The following RYR2 variants were observed in gnomAD, a reference collection of about 807,000 sequenced individuals.
RYR2 encodes cardiac muscle ryanodine receptor-calcium release channel.
In RYR2, 227 loss-of-function variants were observed where a neutral mutation model predicts 601.1. That is an observed-to-expected ratio of 0.38 (90% confidence interval 0.34 to 0.42). The LOEUF (loss-of-function observed/expected upper bound fraction) is 0.42, where lower values mean the gene tolerates loss of function less well. Ranked by LOEUF, RYR2 falls within the 10% of genes least tolerant of loss-of-function variation. The pLI, the probability that RYR2 is intolerant of heterozygous loss-of-function variation, is 1.00. For synonymous variants in RYR2, 2,223 were observed against 2,175.1 expected (o/e 1.02, Z -0.61); for missense variants, 4,646 against 6,156.5 (o/e 0.75, Z 8.21).
chr1:237,180,618 A>G lies in RYR2; in HGVS notation c.49-89879A>G, dbSNP rs1044656001. On this transcript the variant is annotated intron_variant, in intron 1 of 104. Coordinates refer to ENST00000366574, the MANE Select transcript of RYR2 (RefSeq NM_001035.3). This position sits in a 1 kb window ranked among gnomAD's most constrained non-coding sequence, Gnocchi z 5.3. The stretch of plus-strand genomic sequence containing the variant: ...TATAAGTATATATATGTATATATGT[A>G]TATATGTATATGTGTATATATGTAT... 3.3e-5 allele frequency among the ~76,000 whole-genome samples: 1 copy of G among 30,124 alleles called. No homozygotes were observed. Among genetic ancestry groups the G allele is most frequent in the East Asian group, 1.3e-3 (1 of 764 alleles). 19.8% of individuals were successfully genotyped at this position (30,124 alleles called of 152,430 possible).
intron 71 of RYR2, 107 bp downstream of exon 71, chr1:237,711,944 G>A (rs1688878412): frequency 1.5e-6 from 1 of 661,250 alleles, no homozygotes; most frequent in African/African-American, 1.8e-5. Flanking sequence ...GAATCTGACA[G>A]ATTTGGTAAT....
At chr1:237,737,473 A>T (rs1428235790) in intron 79 of RYR2, among the ~76,000 whole-genome samples, 1 of 152,180 alleles carries the variant, frequency 6.6e-6, no homozygotes, top group African/African-American at 2.4e-5. Flanking sequence ...CTGCCTTAGG[A>T]TCTTATACAT....
intron 1 of RYR2, among the ~76,000 whole-genome samples, chr1:237,188,973 G>T (rs1182522531): frequency 6.6e-6 from 1 of 152,132 alleles, no homozygotes; most frequent in African/African-American, 2.4e-5. Flanking sequence ...ACATTGCTAT[G>T]CAATCAATCT....
Position 237,503,955 on chromosome 1 carries a change from G to A in RYR2, c.2613+450G>A, listed in dbSNP as rs183396406. ...ACTCCTGATCTCAGGTGATCCACCC[G>A]CTTTGGCCTCCCAAAGTGTTGGGAT... On this transcript the variant is annotated intron_variant, in intron 22 of 104. Coordinates refer to ENST00000366574, the MANE Select transcript of RYR2 (RefSeq NM_001035.3). Among the ~76,000 whole-genome samples the A allele has an allele frequency of 2.9e-3, 441 of 152,194 alleles. 3 individuals are homozygous for A. Among genetic ancestry groups the A allele is most frequent in the African/African-American group, 9.9e-3 (410 of 41,540 alleles).
At chr1:237,115,461 G>C (rs1048375839) in intron 1 of RYR2, among the ~76,000 whole-genome samples, 12 of 152,172 alleles carry the variant, frequency 7.9e-5, no homozygotes, top group African/African-American at 2.7e-4. Flanking sequence ...CCAACACAAA[G>C]GAGTAATCAA....
intron 34 of RYR2, among the ~76,000 whole-genome samples, chr1:237,601,118 G>C (rs1676453587): frequency 6.6e-6 from 1 of 152,112 alleles, no homozygotes; most frequent in Non-Finnish European, 1.5e-5. Context: ...GTGTGTGGAA[G>C]GAATATCTGC....
chr1:237,140,434 C>T (rs1673263258), intron 1 of RYR2, among the ~76,000 whole-genome samples: 1 of 152,220 alleles, frequency 6.6e-6, no homozygotes, highest in Admixed American at 6.5e-5. Flanking sequence ...GTTCACCGCT[C>T]TGTGAACTTG....
chr1:237,750,197 G>A (rs1393004931), intron 80 of RYR2, among the ~76,000 whole-genome samples: 1 of 151,818 alleles, frequency 6.6e-6, no homozygotes, highest in African/African-American at 2.4e-5. Flanking sequence ...ACATACATAC[G>A]TATCCCACCT....
At chr1:237,462,983 C>G (rs1659652235) in intron 16 of RYR2, among the ~76,000 whole-genome samples, 2 of 152,112 alleles carry the variant, frequency 1.3e-5, no homozygotes, top group Admixed American at 1.3e-4. Flanking sequence ...TTACAAGATC[C>G]CCAAACACAG....
chr1:237,050,001 G>A (rs1172231657), intron 1 of RYR2, among the ~76,000 whole-genome samples: 1 of 152,142 alleles, frequency 6.6e-6, no homozygotes, highest in African/African-American at 2.4e-5. Flanking sequence ...TATATTTCCT[G>A]GTTTCTATTG....
intron 1 of RYR2, among the ~76,000 whole-genome samples, chr1:237,113,421 G>A (rs988083533): frequency 1.3e-5 from 2 of 151,812 alleles, no homozygotes; most frequent in Non-Finnish European, 1.5e-5. Context: ...GGCTGGTCTC[G>A]AACTCCTGAC....
Position 237,614,359 on chromosome 1 carries a change from A to G in RYR2, c.5231A>G (p.Lys1744Arg). The G allele has an allele frequency of 6.2e-7, 1 of 1,614,020 alleles. No homozygotes were observed. Among genetic ancestry groups the G allele is most frequent in the Non-Finnish European group, 8.5e-7 (1 of 1,179,892 alleles). Residue 1744 changes from lysine (K) to arginine (R), a missense_variant, in exon 37 of 105, where the codon AAA becomes AGA. Physicochemically the swap from Lys to Arg is conservative, Grantham distance 26. Transcript: ENST00000366574. The surrounding 1 kb of genome is among the most constrained non-coding windows in gnomAD (Gnocchi z 4.3). ...KSITLFPDEN[K>R]KHGLPGIGLS... ...ATCACCCTGTTCCCTGATGAGAACA[A>G]AAAACACGGCCTTCCAGGGATCGGC...
At chr1:237,669,346 C>T (rs996821894) in intron 58 of RYR2, among the ~76,000 whole-genome samples, 2 of 152,172 alleles carry the variant, frequency 1.3e-5, no homozygotes, top group Non-Finnish European at 2.9e-5. Context: ...CTCTATTCCA[C>T]AAAACCGCCA....
At chr1:237,611,192 A>G (rs1034447469) in intron 36 of RYR2, among the ~76,000 whole-genome samples, 10 of 152,216 alleles carry the variant, frequency 6.6e-5, no homozygotes, top group African/African-American at 2.4e-4. Flanking sequence ...GTTACTGAAA[A>G]AAATTATTCT....
chr1:237,722,708 C>T (rs1573674084), intron 73 of RYR2, among the ~76,000 whole-genome samples: 1 of 152,190 alleles, frequency 6.6e-6, no homozygotes, highest in South Asian at 2.1e-4. Flanking sequence ...GCTGGGATTA[C>T]AGGCGTGAGC....
chr1:237,191,719 A>C (rs1679986172), intron 1 of RYR2, among the ~76,000 whole-genome samples: 1 of 152,226 alleles, frequency 6.6e-6, no homozygotes, highest in African/African-American at 2.4e-5. Flanking sequence ...ACTTCATTTA[A>C]TGATCTAAAC....
intron 1 of RYR2, among the ~76,000 whole-genome samples, chr1:237,148,783 CTTCGTAGGA>C (rs1407681857): frequency 2.6e-5 from 4 of 151,928 alleles, no homozygotes; most frequent in Non-Finnish European, 5.9e-5. Flanking sequence ...ATTATACCGA[CTTCGTAGGA>C]TTGTTACCAA....
At chr1:237,786,172 G>C (rs980594128) in intron 91 of RYR2, 136 bp downstream of exon 91, 3 of 636,642 alleles carry the variant, frequency 4.7e-6, no homozygotes, top group Non-Finnish European at 8.3e-6. Context: ...TGCCATCTCC[G>C]TGGAGAGGCT....
chr1:237,205,937 T>C (rs1681764212), intron 1 of RYR2, among the ~76,000 whole-genome samples: 1 of 152,142 alleles, frequency 6.6e-6, no homozygotes, highest in African/African-American at 2.4e-5. Context: ...CGCGACTGGC[T>C]CAAGAAGATT....
Sources: gnomAD v4.1 joint callset for allele counts (sites outside exome capture counted in the v4.1 genomes callset) on GRCh38, gnomAD v4.1.1 for gene constraint, Gnocchi (gnomAD v3.1) non-coding constraint, MANE v1.5 for transcripts, NCBI Gene and HGNC (gene_info 2026-07-23, HGNC 2026-07-21) for gene names.